EVI5: variants seen among roughly 807,000 people sequenced by gnomAD.
EVI5 encodes the protein ecotropic viral integration site 5, also known as ecotropic viral integration site 5 protein homolog.
In EVI5, 73 loss-of-function variants were observed where a neutral mutation model predicts 112.0. The ratio of observed to expected loss-of-function variants is 0.65; its 90% CI spans 0.54 to 0.79. EVI5 has a LOEUF of 0.79. EVI5 is among the 30% of genes least tolerant of loss of function. The pLI, the probability that EVI5 is intolerant of heterozygous loss-of-function variation, is 0.00. For missense variants in EVI5, 900 were observed against 968.8 expected (o/e 0.93, Z 0.94); for synonymous variants, 305 against 319.9 (o/e 0.95, Z 0.50).
At chr1:92,706,937 T>C (rs926993723) in intron 2 of EVI5, among the ~76,000 whole-genome samples, 2 of 151,270 alleles carry the variant, frequency 1.3e-5, no homozygotes. Flanking sequence ...ATCCCAGCAC[T>C]TTGGGAGGCC....
intron 16 of EVI5, among the ~76,000 whole-genome samples, chr1:92,617,596 A>C (rs1653501940): frequency 6.6e-6 from 1 of 152,214 alleles, no homozygotes; most frequent in African/African-American, 2.4e-5. Context: ...TGGAAGTTAC[A>C]CATGGTCTCA....
chr1:92,577,949 A>G (rs1671332965), intron 18 of EVI5, among the ~76,000 whole-genome samples: 1 of 152,156 alleles, frequency 6.6e-6, no homozygotes, highest in Admixed American at 6.5e-5. Flanking sequence ...CATAAACTCT[A>G]AACAGATGCT....
At chr1:92,529,461 T>C (rs775947215) in intron 19 of EVI5, among the ~76,000 whole-genome samples, 1 of 152,240 alleles carries the variant, frequency 6.6e-6, no homozygotes, top group African/African-American at 2.4e-5. Flanking sequence ...TTTAACCTAA[T>C]GTTTGATTAT....
chr1:92,695,125 T>G (rs966114021), intron 7 of EVI5, among the ~76,000 whole-genome samples, 185 bp downstream of exon 7: 1 of 152,230 alleles, frequency 6.6e-6, no homozygotes, highest in Non-Finnish European at 1.5e-5. Context: ...ATCTATCATC[T>G]AACAAATGCA....
At chr1:92,577,456 C>A (rs3928821) in intron 18 of EVI5, among the ~76,000 whole-genome samples, 140,288 of 152,280 alleles carry the variant, frequency 0.92, 64,707 homozygotes, top group East Asian at 0.97. Context: ...TGCAGGGTAG[C>A]ATCAGTAGGG....
At chr1:92,533,886 C>T (rs1663336275) in intron 19 of EVI5, among the ~76,000 whole-genome samples, 1 of 152,186 alleles carries the variant, frequency 6.6e-6, no homozygotes, top group Admixed American at 6.5e-5. Flanking sequence ...AGGATGCCCT[C>T]TCTCACCACT....
intron 18 of EVI5, among the ~76,000 whole-genome samples, chr1:92,575,612 T>A (rs545425216): frequency 1.7e-3 from 248 of 146,682 alleles, no homozygotes; most frequent in African/African-American, 5.7e-3. Flanking sequence ...CCCTGTTGCA[T>A]AGTCTAGAGT....
At chr1:92,761,210 C>T (rs547703203) in intron 1 of EVI5, among the ~76,000 whole-genome samples, 1 of 152,032 alleles carries the variant, frequency 6.6e-6, no homozygotes, top group African/African-American at 2.4e-5. Context: ...TTTATAGAAA[C>T]CATACACTAG....
At chr1:92,514,128 AT>A (rs1401606337) in intron 19 of EVI5, among the ~76,000 whole-genome samples, 158 bp from the exon 20 acceptor site, 1 of 151,948 alleles carries the variant, frequency 6.6e-6, no homozygotes, top group Admixed American at 6.6e-5. Flanking sequence ...TATGTGTTAT[AT>A]ATAATGGGCT....
At chr1:92,607,817 T>C in intron 16 of EVI5, 90 bp from the exon 17 acceptor site, 1 of 779,514 alleles carries the variant, frequency 1.3e-6, no homozygotes, top group East Asian at 3.0e-5. Context: ...CATAACATTA[T>C]TAAAAATGTT....
rs202246439 is a variant in EVI5, at chr1:92,619,754, GA to G, written c.1827+4421del. ...CAACACAGTGAGACCTTTTCTCTTT[GA>G]AAAAAAAAAAATTTTTTTTTTGTTA... On this transcript the variant is annotated intron_variant, in intron 16 of 19. Transcript: ENST00000684568. Among the ~76,000 whole-genome samples, 929 of 142,558 alleles carry G rather than the reference GA, an allele frequency of 6.5e-3. 8 individuals are homozygous for G. Among genetic ancestry groups the G allele is most frequent in the South Asian group, 0.043 (194 of 4,506 alleles). 93.5% of individuals were successfully genotyped at this position (142,558 alleles called of 152,430 possible).
intron 2 of EVI5, among the ~76,000 whole-genome samples, chr1:92,735,735 AATATAATC>A (rs1361050673): frequency 1.4e-5 from 2 of 143,364 alleles, no homozygotes; most frequent in South Asian, 2.1e-4. Flanking sequence ...AATATAATAT[AATATAATC>A]ATATTAAAAT....
chr1:92,791,961 A>G (rs1364985020), intron 1 of EVI5, among the ~76,000 whole-genome samples: 1 of 152,218 alleles, frequency 6.6e-6, no homozygotes, highest in Non-Finnish European at 1.5e-5. Flanking sequence ...TCTTCTCCAT[A>G]TGAGAAATGT....
At chr1:92,535,103 G>GGTT (rs1240026823) in intron 19 of EVI5, among the ~76,000 whole-genome samples, 6 of 152,094 alleles carry the variant, frequency 3.9e-5, no homozygotes, top group African/African-American at 1.4e-4. Flanking sequence ...CCATCAAAAA[G>GGTT]TGGACGAAGG....
At chr1:92,742,875 C>T (rs984425417) in intron 1 of EVI5, among the ~76,000 whole-genome samples, 4 of 152,098 alleles carry the variant, frequency 2.6e-5, no homozygotes, top group Admixed American at 2.6e-4. Context: ...TTATAAGATC[C>T]AGCAATTCCA....
chr1:92,730,683 C>CAAAAA (rs1226099468), intron 2 of EVI5, among the ~76,000 whole-genome samples: 8 of 59,706 alleles, frequency 1.3e-4, no homozygotes, highest in African/African-American at 4.3e-4. Context: ...CCTTCTCTCA[C>CAAAAA]AAAAAAAAAA....
In EVI5 at chr1:92,572,105, G is replaced by A. The variant is rs775454520; in HGVS notation, c.2071-8368C>T. On this transcript the variant is annotated intron_variant, in intron 18 of 19. Coordinates refer to ENST00000684568, the MANE Select transcript of EVI5 (RefSeq NM_001350197.2). ...TTCTTTCAGAAATTACCATTACAAC[G>A]TCCATACAAATCTGATTCATATTAA... Among the ~76,000 whole-genome samples, 10 of 152,144 alleles carry A rather than the reference G, an allele frequency of 6.6e-5. No individual in the cohort carries two copies. The East Asian group carries it at 7.7e-4, about 12-fold the overall frequency.
chr1:92,691,671 T>TA (rs1226674131), intron 9 of EVI5, among the ~76,000 whole-genome samples: 2 of 151,736 alleles, frequency 1.3e-5, no homozygotes, highest in African/African-American at 4.8e-5. Context: ...AGGTTGAAGA[T>TA]AGAGAAGGAA....
intron 16 of EVI5, among the ~76,000 whole-genome samples, chr1:92,613,602 T>C (rs1171630519): frequency 6.6e-6 from 1 of 152,158 alleles, no homozygotes; most frequent in Non-Finnish European, 1.5e-5. Flanking sequence ...TTATTTTTTT[T>C]TAATTTAGAA....
Sources: gnomAD v4.1 joint callset for allele counts (sites outside exome capture counted in the v4.1 genomes callset) on GRCh38, gnomAD v4.1.1 for gene constraint, MANE v1.5 for transcripts, NCBI Gene and HGNC (gene_info 2026-07-23, HGNC 2026-07-21) for gene names.